The following ARID4A variants were observed in gnomAD, a reference collection of about 807,000 sequenced individuals.
ARID4A encodes AT-rich interaction domain 4A.
A neutral mutation model predicts 148.6 loss-of-function variants in ARID4A; 39 were observed. That is an observed-to-expected ratio of 0.26 (90% confidence interval 0.20 to 0.34). ARID4A has a LOEUF of 0.34. Among genes scored for constraint, ARID4A ranks in the 10% least tolerant of loss-of-function variants. ARID4A has a pLI of 1.00. For synonymous variants in ARID4A, 475 were observed against 481.2 expected (o/e 0.99, Z 0.17); for missense variants, 1,265 against 1,449.1 (o/e 0.87, Z 2.06).
At chr14:58,331,617 C>G (rs2033524263) in intron 11 of ARID4A, 1 of 152,096 alleles carries the variant, frequency 6.6e-6, no homozygotes, top group Non-Finnish European at 1.5e-5. Context: ...GGGAAGGACT[C>G]AGAACCAAGC....
chr14:58,359,157 A>G lies in ARID4A; in HGVS notation c.1879A>G (p.Arg627Gly). ...VRYDEWVKAD[R>G]IIWPLDKGGP... ...GTATGATGAGTGGGTGAAGGCTGACAGGATAATCTGGCCTTTGGACAAAGG... is the reference window on the plus strand; with the variant it reads ...GTATGATGAGTGGGTGAAGGCTGACGGGATAATCTGGCCTTTGGACAAAGG... Residue 627 changes from arginine (R) to glycine (G), a missense_variant, in exon 18 of 24, where the codon AGG (arginine) becomes GGG (glycine). This residue lies in a region of ARID4A where 666 missense variants were observed against 730.9 expected (regional missense o/e 0.91). Transcript: ENST00000355431. 6.3e-7 allele frequency: 1 copy of G among 1,583,950 alleles called. No individual in the cohort carries two copies. Among genetic ancestry groups the G allele is most frequent in the Non-Finnish European group, 8.6e-7 (1 of 1,169,482 alleles).
At chr14:58,341,026 C>T (rs2034093831) in intron 11 of ARID4A, among the ~76,000 whole-genome samples, 1 of 151,942 alleles carries the variant, frequency 6.6e-6, no homozygotes. Flanking sequence ...CTTCCCTCTC[C>T]CCTTCTCTCT....
intron 11 of ARID4A, among the ~76,000 whole-genome samples, chr14:58,339,192 G>A (rs1468004211): frequency 1.3e-5 from 2 of 151,434 alleles, no homozygotes. Flanking sequence ...GCCCAGTCTG[G>A]TCTAAAACCC....
intron 5 of ARID4A, among the ~76,000 whole-genome samples, chr14:58,317,306 A>G (rs1250497840): frequency 1.5e-5 from 2 of 133,668 alleles, no homozygotes; most frequent in African/African-American, 2.8e-5. Context: ...TTTTTTTGGG[A>G]CGGAGTCTTG....
intron 23 of ARID4A, among the ~76,000 whole-genome samples, chr14:58,369,469 T>C (rs1329249001): frequency 6.6e-6 from 1 of 151,788 alleles, no homozygotes; most frequent in Non-Finnish European, 1.5e-5. Flanking sequence ...CTACTAAAAC[T>C]ACAAAAGTCA....
intron 15 of ARID4A, among the ~76,000 whole-genome samples, chr14:58,349,853 G>T (rs573931766): frequency 1.3e-5 from 2 of 152,258 alleles, no homozygotes; most frequent in Non-Finnish European, 2.9e-5. Flanking sequence ...GCTCACGCCT[G>T]TAATCTCAGC....
chr14:58,306,614 A>G (rs1249213142), intron 5 of ARID4A, among the ~76,000 whole-genome samples: 6 of 152,220 alleles, frequency 3.9e-5, no homozygotes, highest in Non-Finnish European at 8.8e-5. Flanking sequence ...ATGTTGGCTC[A>G]TGCCTGTAAT....
At chr14:58,360,431 A>G (rs1021013207) in intron 18 of ARID4A, among the ~76,000 whole-genome samples, 2 of 152,196 alleles carry the variant, frequency 1.3e-5, no homozygotes, top group African/African-American at 4.8e-5. Context: ...AAACACATAT[A>G]TACTGGCCAA....
chr14:58,300,425 G>C (rs1266843445), intron 2 of ARID4A, among the ~76,000 whole-genome samples: 1 of 152,186 alleles, frequency 6.6e-6, no homozygotes. Context: ...TATGTGGATG[G>C]TTAAAGGGAA....
chr14:58,338,294 TA>T (rs1266627839), intron 11 of ARID4A, among the ~76,000 whole-genome samples: 3 of 152,142 alleles, frequency 2.0e-5, no homozygotes, highest in Non-Finnish European at 4.4e-5. Context: ...TTCACATTTT[TA>T]AAAAATCACA....
At chr14:58,315,465 G>C (rs1361850731) in intron 5 of ARID4A, among the ~76,000 whole-genome samples, 1 of 152,040 alleles carries the variant, frequency 6.6e-6, no homozygotes, top group Non-Finnish European at 1.5e-5. Context: ...AAAATATTTT[G>C]TTATATAAAT....
chr14:58,309,324 T>C (rs2031843661), intron 5 of ARID4A, among the ~76,000 whole-genome samples: 1 of 152,190 alleles, frequency 6.6e-6, no homozygotes, highest in African/African-American at 2.4e-5. Context: ...CTCAAGGGGA[T>C]TTTTTTGTTT....
At chr14:58,328,151 A>G in intron 8 of ARID4A, 86 bp from the exon 9 acceptor site, 1 of 907,158 alleles carries the variant, frequency 1.1e-6, no homozygotes, top group East Asian at 2.5e-5. Context: ...TTGAGAAGTT[A>G]GGGGATCCAG....
intron 11 of ARID4A, among the ~76,000 whole-genome samples, chr14:58,332,015 C>T (rs1244457697): frequency 9.6e-6 from 1 of 104,200 alleles, no homozygotes; most frequent in African/African-American, 3.4e-5. Flanking sequence ...CCCCAAAAAA[C>T]CCTGAAATTT....
At position 58,364,664 on chromosome 14, in the gene ARID4A, A is replaced by G; in HGVS notation, c.2575A>G (p.Ile859Val). Reference sequence around the variant, plus strand: ...GAAAGAAAAGAAGTTGAAACGGAAAATACTAGGACAATCATCGCCAGAGAA... The same window carrying G: ...GAAAGAAAAGAAGTTGAAACGGAAAGTACTAGGACAATCATCGCCAGAGAA... ...CVKEKKLKRK[I>V]LGQSSPEKKI... The change falls in exon 20 of 24, where the codon ATA becomes GTA. Residue 859 changes from isoleucine (I) to valine (V), a missense_variant. Ile to Val is a conservative substitution (Grantham distance 29). Around this residue, in one of 9 missense-constraint regions of ARID4A, gnomAD observed 666 missense variants for 730.9 expected, o/e 0.91. Coordinates refer to ENST00000355431, the MANE Select transcript of ARID4A (RefSeq NM_002892.4). 1 of 1,614,008 alleles carries G rather than the reference A, an allele frequency of 6.2e-7. No homozygotes were observed. Among genetic ancestry groups the G allele is most frequent in the Non-Finnish European group, 8.5e-7 (1 of 1,179,984 alleles).
chr14:58,343,080 A>G (rs139409536), intron 11 of ARID4A, among the ~76,000 whole-genome samples: 1 of 152,306 alleles, frequency 6.6e-6, no homozygotes, highest in East Asian at 1.9e-4. Flanking sequence ...TTCTTGGGCT[A>G]CTGAATTACC....
intron 5 of ARID4A, among the ~76,000 whole-genome samples, chr14:58,312,217 ATTTTTTT>A (rs1167025695): frequency 7.0e-6 from 1 of 142,916 alleles, no homozygotes; most frequent in Non-Finnish European, 1.5e-5. Context: ...TTAATGTTAA[ATTTTTTT>A]TTTTTTTTTT....
At chr14:58,298,905 C>T (rs949894821) in intron 1 of ARID4A, among the ~76,000 whole-genome samples, 7 of 152,292 alleles carry the variant, frequency 4.6e-5, no homozygotes, top group African/African-American at 1.7e-4. Flanking sequence ...GTTGCAGCCG[C>T]CTCCTCGTCC....
At chr14:58,300,990 G>T (rs1336039550) in intron 2 of ARID4A, among the ~76,000 whole-genome samples, 3 of 152,082 alleles carry the variant, frequency 2.0e-5, no homozygotes, top group Admixed American at 2.0e-4. Context: ...GATTAGTGTG[G>T]TAAACTAGGT....
Sources: gnomAD v4.1 joint callset for allele counts (sites outside exome capture counted in the v4.1 genomes callset) on GRCh38, gnomAD v4.1.1 for gene constraint, gnomAD v4.1.1 regional missense constraint, MANE v1.5 for transcripts, NCBI Gene and HGNC (gene_info 2026-07-23, HGNC 2026-07-21) for gene names.